MAST3: variants seen among roughly 807,000 people sequenced by gnomAD.
The protein encoded by MAST3 is microtubule-associated serine/threonine-protein kinase 3.
A neutral mutation model predicts 127.0 loss-of-function variants in MAST3; 43 were observed. That is an observed-to-expected ratio of 0.34 (90% CI 0.27 to 0.44). The LOEUF is 0.44. Ranked by LOEUF, MAST3 falls within the 20% of genes least tolerant of loss-of-function variation. The probability of loss-of-function intolerance (pLI) is 1.00; values close to 1 mark genes in which losing one functional copy is unlikely to be tolerated. For missense variants in MAST3, 1,390 were observed against 1,919.1 expected (o/e 0.72, Z 5.15); for synonymous variants, 785 against 809.2 (o/e 0.97, Z 0.51).
intron 2 of MAST3, among the ~76,000 whole-genome samples, chr19:18,108,791 A>T (rs2146899989): frequency 6.6e-6 from 1 of 152,258 alleles, no homozygotes; most frequent in South Asian, 2.1e-4. Context: ...AGTGGTCTGG[A>T]AGTGTGTGAC....
chr19:18,108,772 C>T (rs1444196218), intron 2 of MAST3, among the ~76,000 whole-genome samples: 1 of 152,064 alleles, frequency 6.6e-6, no homozygotes, highest in East Asian at 1.9e-4. Context: ...GAGGGGTTTT[C>T]CTTGAGCTAG....
chr19:18,109,034 A>C (rs979748488), intron 2 of MAST3, among the ~76,000 whole-genome samples: 5 of 152,098 alleles, frequency 3.3e-5, no homozygotes, highest in Admixed American at 1.3e-4. Context: ...GGCCTCTTGG[A>C]GGAAGTGACC....
chr19:18,115,577 C>T (rs2147034006), intron 3 of MAST3, among the ~76,000 whole-genome samples: 1 of 152,054 alleles, frequency 6.6e-6, no homozygotes, highest in South Asian at 2.1e-4. Context: ...GGTGACCACT[C>T]CCATACTCAT....
chr19:18,146,745 C>G, intron 25 of MAST3, 136 bp from the exon 26 acceptor site: 1 of 767,198 alleles, frequency 1.3e-6, no homozygotes, highest in South Asian at 2.0e-5. Flanking sequence ...GGGTAGGTCA[C>G]TGGTTGTGTG....
rs1357804130 is a variant in MAST3, at chr19:18,128,967, C to T, written c.1223+16C>T. 1.9e-6 allele frequency: 3 copies of T among 1,609,012 alleles called. No individual in the cohort carries two copies. In the African/African-American group the frequency reaches 4.0e-5, roughly 21 times the overall value. The stretch of plus-strand genomic sequence containing the variant: ...GAGCCTATGGGTGAGTCCCTGAGTC[C>T]TGCATAGACCCATTTCACAGATGCC... On this transcript the variant is annotated intron_variant, in intron 13 of 27. Transcript: ENST00000687212.
intron 25 of MAST3, among the ~76,000 whole-genome samples, chr19:18,146,468 C>G (rs1047568247): frequency 6.6e-6 from 1 of 151,950 alleles, no homozygotes. Flanking sequence ...ATAGAGGGCT[C>G]TCATGTGGGC....
chr19:18,137,189 T>G lies in MAST3; in HGVS notation c.1973-50T>G, dbSNP rs140225220. ...GGGCAGTGGGGGTAGGGGGGCATCCTGTGGCGGGTGAGGTGAGGACCTGCA... is the reference window on the plus strand; with the variant it reads ...GGGCAGTGGGGGTAGGGGGGCATCCGGTGGCGGGTGAGGTGAGGACCTGCA... On this transcript the variant is annotated intron_variant, in intron 18 of 27. Coordinates refer to ENST00000687212, the MANE Select transcript of MAST3 (RefSeq NM_001393504.1). 2.1e-3 allele frequency: 3,309 copies of G among 1,554,976 alleles called. 58 individuals are homozygous for G. The African/African-American group carries it at 0.039, about 18-fold the overall frequency.
intron 11 of MAST3, among the ~76,000 whole-genome samples, chr19:18,125,077 A>G (rs1456257424): frequency 6.6e-6 from 1 of 152,142 alleles, no homozygotes; most frequent in South Asian, 2.1e-4. Flanking sequence ...ACTGCACTCC[A>G]ACCTGGGCGA....
At chr19:18,130,762 G>A in intron 14 of MAST3, 60 bp downstream of exon 14, 2 of 1,538,300 alleles carry the variant, frequency 1.3e-6, no homozygotes, top group East Asian at 2.4e-5. Flanking sequence ...CCACGCCTGG[G>A]AGAAAATTTT....
chr19:18,123,142 G>C, intron 6 of MAST3, 75 bp from the exon 7 acceptor site: 2 of 1,528,018 alleles, frequency 1.3e-6, no homozygotes, highest in Non-Finnish European at 1.8e-6. Flanking sequence ...CCTGGGCCTT[G>C]AGGGGTGGTG....
chr19:18,124,296 G>T lies in MAST3; in HGVS notation c.875G>T (p.Ser292Ile). 1 of 1,609,438 alleles carries T rather than the reference G, an allele frequency of 6.2e-7. No individual in the cohort carries two copies. The highest frequency in any genetic ancestry group is 2.2e-5 in the East Asian group (1 of 44,730). ...GAGCGTTCGGACAGTGAGGAGGTCA[G>T]CTTCATCGTCCAGCTTGTCCGGAAA... ...AHERSDSEEV[S>I]FIVQLVRKLL... The change falls in exon 10 of 28, where the codon AGC becomes ATC. Residue 292 changes from serine to isoleucine, a missense_variant. Transcript: ENST00000687212.
In MAST3 at chr19:18,131,990, T is replaced by G. The variant is rs1245410959; in HGVS notation, c.1514T>G (p.Leu505Trp). 1 of 1,614,012 alleles carries G rather than the reference T, an allele frequency of 6.2e-7. No individual in the cohort carries two copies. The highest frequency in any genetic ancestry group is 8.5e-7 in the Non-Finnish European group (1 of 1,180,036). Reference sequence around the variant, plus strand: ...CGCCTGTACTTCGCCGAGACGGTGTTGGCGCTGGAGTACCTGCATAACTAT... The same window carrying G: ...CGCCTGTACTTCGCCGAGACGGTGTGGGCGCTGGAGTACCTGCATAACTAT... ...MARLYFAETV[L>W]ALEYLHNYGI... Residue 505 changes from leucine (L) to tryptophan (W), a missense_variant, in exon 15 of 28, where the codon TTG becomes TGG. Leu to Trp is a moderately conservative substitution (Grantham distance 61, BLOSUM62 -2). Transcript: ENST00000687212.
rs760937065 is a variant in MAST3 at position 18,139,047 on chromosome 19, G to A, written c.2128G>A (p.Glu710Lys). Residue 710 changes from glutamate to lysine, a missense_variant, in exon 20 of 28, where the codon GAG becomes AAG. Physicochemically the swap from Glu to Lys is moderately conservative, Grantham distance 56. Around this residue, in one of 5 missense-constraint regions of MAST3, gnomAD observed 191 missense variants for 409.0 expected, o/e 0.47. Transcript: ENST00000687212. ...GGAACGTTACCGCCATCTGGGCTCCGAGGACGACGAGACCAATGATGAAGA... is the reference window on the plus strand; with the variant it reads ...GGAACGTTACCGCCATCTGGGCTCCAAGGACGACGAGACCAATGATGAAGA... Reference protein sequence around the residue: ...RSERYRHLGSEDDETNDEESS... With the variant: ...RSERYRHLGSKDDETNDEESS... 4.4e-6 allele frequency: 7 copies of A among 1,599,968 alleles called. No individual in the cohort carries two copies. The highest frequency in any genetic ancestry group is 2.3e-5 in the East Asian group (1 of 44,130).
rs374546786 is a variant in MAST3 at position 18,137,235 on chromosome 19, G to C, written c.1973-4G>C. 68 of 1,611,492 alleles carry C rather than the reference G, an allele frequency of 4.2e-5. No homozygotes were observed. Among genetic ancestry groups the C allele is most frequent in the Non-Finnish European group, 5.5e-5 (65 of 1,178,490 alleles). On this transcript the variant is annotated splice_polypyrimidine_tract_variant and splice_region_variant and intron_variant, in intron 18 of 27. Transcript: ENST00000687212. ...CTGCAGGGCTCAGCGGGGCATATCTGCAGGTGGCACCCACGAAGTGAAGCA... is the reference window on the plus strand; with the variant it reads ...CTGCAGGGCTCAGCGGGGCATATCTCCAGGTGGCACCCACGAAGTGAAGCA...
intron 3 of MAST3, among the ~76,000 whole-genome samples, chr19:18,121,004 A>G (rs891200565): frequency 6.6e-6 from 1 of 152,040 alleles, no homozygotes; most frequent in Admixed American, 6.6e-5. Flanking sequence ...TACAGGTGTG[A>G]GTCACCATGC....
In MAST3 at chr19:18,149,985, CTTTTT is replaced by C. The variant is rs61501122; in HGVS notation, c.*274_*278del. On this transcript the variant is annotated 3_prime_UTR_variant, in exon 28 of 28. Transcript: ENST00000687212. The surrounding 1 kb of genome is among the most constrained non-coding windows in gnomAD (Gnocchi z 5.9). ...GCAACTAATTTATTACTTTTTTTTT[CTTTTT>C]TTTTTTTTTTTTTTGAGACAGAGTC... The C allele has an allele frequency of 2.5e-3, 488 of 194,456 alleles. No individual in the cohort carries two copies. The highest frequency in any genetic ancestry group is 5.2e-3 in the Middle Eastern group (3 of 574). 12.0% of individuals were successfully genotyped at this position (194,456 alleles called of 1,614,324 possible).
At chr19:18,131,195 C>G (rs905283023) in intron 14 of MAST3, among the ~76,000 whole-genome samples, 2 of 152,092 alleles carry the variant, frequency 1.3e-5, no homozygotes, top group African/African-American at 4.8e-5. Context: ...GTGGGCTGAT[C>G]GCTTGAGGTC....
At chr19:18,139,158 G>C (rs2042186354) in intron 20 of MAST3, 34 bp downstream of exon 20, 1 of 1,424,588 alleles carries the variant, frequency 7.0e-7, no homozygotes, top group Non-Finnish European at 9.7e-7. Flanking sequence ...CCACTGCTCA[G>C]AAAACATTGC....
intron 2 of MAST3, chr19:18,109,869 T>C (rs1379864311): frequency 1.1e-6 from 1 of 900,382 alleles, no homozygotes; most frequent in Non-Finnish European, 1.3e-6. Flanking sequence ...TGCGCTCAGA[T>C]CCCGGCTCCC....
Sources: allele counts gnomAD v4.1 joint callset (sites outside exome capture counted in the v4.1 genomes callset), GRCh38; gene constraint gnomAD v4.1.1; regional missense constraint gnomAD v4.1.1; non-coding constraint Gnocchi (gnomAD v3.1); transcripts MANE v1.5; gene names NCBI Gene and HGNC (gene_info 2026-07-23, HGNC 2026-07-21).